SPECC1L: variants seen among roughly 807,000 people sequenced by gnomAD.
The protein encoded by SPECC1L is cytospin-A.
In SPECC1L, 40 loss-of-function variants were observed where a neutral mutation model predicts 116.8. The observed-to-expected ratio is 0.34, with a 90% CI of 0.27 to 0.45. The LOEUF (loss-of-function observed/expected upper bound fraction) is 0.45, where lower values mean the gene tolerates loss of function less well. Among genes scored for constraint, SPECC1L ranks in the 20% least tolerant of loss-of-function variants. SPECC1L has a pLI of 1.00. For missense variants in SPECC1L, 1,110 were observed against 1,373.6 expected (o/e 0.81, Z 3.03); for synonymous variants, 504 against 500.6 (o/e 1.01, Z -0.09).
At chr22:24,372,572 C>T (rs1267123760) in intron 14 of SPECC1L, among the ~76,000 whole-genome samples, 1 of 152,180 alleles carries the variant, frequency 6.6e-6, no homozygotes, top group African/African-American at 2.4e-5. Context: ...CAAAATTCAA[C>T]AACACTTCAT....
chr22:24,339,400 G>A lies in SPECC1L; in HGVS notation c.2652+923G>A, dbSNP rs926047927. ...ATGAGGGCTGTTTTGTAACAGGTCCGGCACAGGTCATTATTGATACATTAG... is the reference window on the plus strand; with the variant it reads ...ATGAGGGCTGTTTTGTAACAGGTCCAGCACAGGTCATTATTGATACATTAG... On this transcript the variant is annotated intron_variant, in intron 10 of 16. Coordinates refer to ENST00000314328, the MANE Select transcript of SPECC1L (RefSeq NM_015330.6). Among the ~76,000 whole-genome samples, 6 of 152,178 alleles carry A rather than the reference G, an allele frequency of 3.9e-5. No individual in the cohort carries two copies. In the East Asian group the frequency reaches 7.7e-4, roughly 20 times the overall value.
intron 11 of SPECC1L, among the ~76,000 whole-genome samples, chr22:24,347,700 G>T (rs2041328176): frequency 6.6e-6 from 1 of 151,920 alleles, no homozygotes; most frequent in African/African-American, 2.4e-5. Flanking sequence ...TTTTAAGCTG[G>T]AGTATCACTC....
chr22:24,317,043 C>G lies in SPECC1L; in HGVS notation c.307+3577C>G, dbSNP rs567475770. Among the ~76,000 whole-genome samples, 598 of 119,738 alleles carry G rather than the reference C, an allele frequency of 5.0e-3. 64 individuals carry two copies. Among genetic ancestry groups the G allele is most frequent in the Non-Finnish European group, 7.0e-3 (370 of 53,140 alleles). 78.6% of individuals were successfully genotyped at this position (119,738 alleles called of 152,430 possible). A position where few individuals can be genotyped will look rare whatever the true frequency, so the allele number is the denominator to read the frequency against. ...GGCTGGCCGGGCGGGGGGCTGACCC[C>G]CCCACCTCCCTCCCGGAGGGGGTGG... On this transcript the variant is annotated intron_variant, in intron 4 of 16. Transcript: ENST00000314328.
At chr22:24,280,142 A>G (rs898108179) in intron 2 of SPECC1L, among the ~76,000 whole-genome samples, 2 of 152,076 alleles carry the variant, frequency 1.3e-5, no homozygotes, top group African/African-American at 4.8e-5. Flanking sequence ...TAGCCTGCCA[A>G]CCTGCTTTGA....
At chr22:24,380,229 A>G (rs2042040886) in intron 14 of SPECC1L, among the ~76,000 whole-genome samples, 2 of 152,214 alleles carry the variant, frequency 1.3e-5, no homozygotes, top group African/African-American at 4.8e-5. Context: ...TAATTTGTCA[A>G]GAATCGTATG....
chr22:24,288,330 C>G (rs1241864289), intron 2 of SPECC1L, among the ~76,000 whole-genome samples: 6 of 152,096 alleles, frequency 3.9e-5, no homozygotes, highest in Admixed American at 3.3e-4. Context: ...CACTCACTGT[C>G]TGTAGCACCT....
At chr22:24,399,735 A>G (rs2042435685) in intron 14 of SPECC1L, among the ~76,000 whole-genome samples, 1 of 152,226 alleles carries the variant, frequency 6.6e-6, no homozygotes, top group Non-Finnish European at 1.5e-5. Flanking sequence ...CTTCTCCCAC[A>G]GAATCAGGGA....
intron 13 of SPECC1L, among the ~76,000 whole-genome samples, chr22:24,368,683 G>A (rs1049515130): frequency 1.3e-5 from 2 of 152,152 alleles, no homozygotes; most frequent in African/African-American, 2.4e-5. Context: ...TGCCACTCTT[G>A]TTGCCCAGGC....
intron 14 of SPECC1L, among the ~76,000 whole-genome samples, chr22:24,396,006 C>T (rs1033991160): frequency 6.6e-6 from 1 of 152,166 alleles, no homozygotes; most frequent in African/African-American, 2.4e-5. Flanking sequence ...GATGTTAGAC[C>T]TCAAGTTATC....
At chr22:24,361,441 T>C (rs1601606652) in intron 11 of SPECC1L, among the ~76,000 whole-genome samples, 1 of 151,366 alleles carries the variant, frequency 6.6e-6, no homozygotes, top group East Asian at 1.9e-4. Context: ...AATGGCTCAC[T>C]CCTGTAATCC....
At chr22:24,295,916 C>A (rs537741316) in intron 2 of SPECC1L, among the ~76,000 whole-genome samples, 1 of 152,138 alleles carries the variant, frequency 6.6e-6, no homozygotes, top group African/African-American at 2.4e-5. Context: ...CCGTCGCACT[C>A]CAGACTGGGG....
intron 14 of SPECC1L, among the ~76,000 whole-genome samples, chr22:24,380,850 G>A (rs983842253): frequency 6.6e-6 from 1 of 151,670 alleles, no homozygotes; most frequent in Non-Finnish European, 1.5e-5. Flanking sequence ...TGCTTTAAGG[G>A]TTGGGTCTTC....
Position 24,324,380 on chromosome 22 carries a change from A to G in SPECC1L, c.2099A>G (p.His700Arg), listed in dbSNP as rs1215645907. 2.5e-6 allele frequency: 4 copies of G among 1,614,212 alleles called. No individual in the cohort carries two copies. Among genetic ancestry groups the G allele is most frequent in the South Asian group, 2.2e-5 (2 of 91,086 alleles). Residue 700 changes from histidine to arginine, a missense_variant, in exon 6 of 17, where the codon CAT (histidine) becomes CGT (arginine). Around this residue, in one of 4 missense-constraint regions of SPECC1L, gnomAD observed 575 missense variants for 682.4 expected, o/e 0.84. Transcript: ENST00000314328. ...GAACTTGAAGATGAAGTAGAACAAC[A>G]TCGTGCTGTGAAACTTCATGACAAC... ...IFELEDEVEQHRAVKLHDNLI... is the reference protein window; with the variant it reads ...IFELEDEVEQRRAVKLHDNLI...
In SPECC1L at chr22:24,282,669, A is replaced by G. The variant is rs139940398; in HGVS notation, c.-38+5866A>G. On this transcript the variant is annotated intron_variant, in intron 2 of 16. Coordinates refer to ENST00000314328, the MANE Select transcript of SPECC1L (RefSeq NM_015330.6). ...TCTGTGTGGAGTTTTGTATTTTTTT[A>G]ATAAGGAATGAATGTTGGGTTTTGT... 2.6e-3 allele frequency among the ~76,000 whole-genome samples: 402 copies of G among 152,094 alleles called. 2 individuals carry two copies. Among genetic ancestry groups the G allele is most frequent in the African/African-American group, 9.0e-3 (374 of 41,458 alleles).
intron 11 of SPECC1L, among the ~76,000 whole-genome samples, chr22:24,349,332 G>A (rs910585753): frequency 6.6e-6 from 1 of 152,160 alleles, no homozygotes; most frequent in South Asian, 2.1e-4. Context: ...ATGAGCCACC[G>A]CACCCGGCCT....
At chr22:24,370,997 G>A (rs1241677706) in intron 14 of SPECC1L, among the ~76,000 whole-genome samples, 2 of 152,108 alleles carry the variant, frequency 1.3e-5, no homozygotes, top group Non-Finnish European at 2.9e-5. Flanking sequence ...GGATGGTGGT[G>A]ATGGTAGCAC....
intron 12 of SPECC1L, among the ~76,000 whole-genome samples, chr22:24,364,832 A>G (rs2041720606): frequency 1.3e-5 from 2 of 152,104 alleles, no homozygotes; most frequent in African/African-American, 4.8e-5. Context: ...TCTGATTATA[A>G]TTAGCCTTTG....
chr22:24,390,250 A>G (rs1022200894), intron 14 of SPECC1L, among the ~76,000 whole-genome samples: 2 of 151,758 alleles, frequency 1.3e-5, no homozygotes, highest in Non-Finnish European at 2.9e-5. Flanking sequence ...TCCTCTCTCC[A>G]TGATCAGAGT....
chr22:24,410,087 G>A (rs2042664708), intron 14 of SPECC1L, among the ~76,000 whole-genome samples: 1 of 152,228 alleles, frequency 6.6e-6, no homozygotes, highest in South Asian at 2.1e-4. Flanking sequence ...GGCCTTAATC[G>A]GCTCCTAATG....
Sources: gnomAD v4.1 joint callset for allele counts (sites outside exome capture counted in the v4.1 genomes callset) on GRCh38, gnomAD v4.1.1 for gene constraint, gnomAD v4.1.1 regional missense constraint, MANE v1.5 for transcripts, NCBI Gene and HGNC (gene_info 2026-07-23, HGNC 2026-07-21) for gene names.